The following ECI2 variants were observed in gnomAD, a reference collection of about 807,000 sequenced individuals.
ECI2 encodes the protein D3,D2-enoyl-CoA isomerase.
In ECI2, 27 loss-of-function variants were observed where a neutral mutation model predicts 38.4. That is an observed-to-expected ratio of 0.70 (90% CI 0.52 to 0.97). The LOEUF (loss-of-function observed/expected upper bound fraction) is 0.97. Among genes scored for constraint, ECI2 ranks in the 50% least tolerant of loss-of-function variants. ECI2 has a pLI of 0.00. For missense variants in ECI2, 470 were observed against 474.4 expected (o/e 0.99, Z 0.09); for synonymous variants, 168 against 172.0 (o/e 0.98, Z 0.18).
Position 4,135,572 on chromosome 6 carries a change from C to A in ECI2, c.-12G>T, listed in dbSNP as rs1261566761. ...TACGCCATCGCCATCCCTTGGGCGG[C>A]TCTAGGGCTGCGGGGGCTCGGGGGT... is the stretch of plus-strand genomic sequence containing the variant. On this transcript the variant is annotated 5_prime_UTR_variant, in exon 1 of 10. Coordinates refer to ENST00000380118, the MANE Select transcript of ECI2 (RefSeq NM_206836.3). 6.5e-7 allele frequency: 1 copy of A among 1,536,398 alleles called. No homozygotes were observed. Among genetic ancestry groups the A allele is most frequent in the Non-Finnish European group, 8.8e-7 (1 of 1,135,112 alleles).
intron 7 of ECI2, chr6:4,125,026 G>C (rs1465996995): frequency 2.8e-6 from 2 of 704,266 alleles, no homozygotes; most frequent in South Asian, 1.6e-5. Context: ...TTAGAATCCG[G>C]AACAGTCAGA....
chr6:4,130,006 A>C, intron 4 of ECI2: 1 of 1,027,520 alleles, frequency 9.7e-7, no homozygotes, highest in Non-Finnish European at 1.4e-6. Flanking sequence ...TGCAAGCAGA[A>C]AGACTTACTT....
rs605301 is a variant in ECI2 at position 4,116,032 on chromosome 6, G to A, written c.1030-3C>T. ...ACCTCTTTTGAAATTCTCAAGGCCT[G>A]GAAAAACAAAACCAACAATAAGGTT... On this transcript the variant is annotated splice_polypyrimidine_tract_variant and splice_region_variant and intron_variant, in intron 9 of 9. Transcript: ENST00000380118. The A allele has an allele frequency of 0.011, 18,362 of 1,609,950 alleles. 818 individuals carry two copies. The Admixed American group carries it at 0.14, about 12-fold the overall frequency.
intron 6 of ECI2, chr6:4,125,887 T>C: frequency 1.6e-6 from 1 of 617,916 alleles, no homozygotes; most frequent in African/African-American, 1.8e-5. Context: ...TGTTTACAAC[T>C]ATAGCTCACT....
intron 1 of ECI2, chr6:4,135,280 T>C (rs1280090278): frequency 2.3e-6 from 3 of 1,279,098 alleles, no homozygotes; most frequent in African/African-American, 1.5e-5. Flanking sequence ...CAGGGAACCA[T>C]AGCCCTGACC....
chr6:4,125,269 G>A lies in ECI2; in HGVS notation c.776C>T (p.Ala259Val), dbSNP rs144214404. ...ISVTLLGLFD[A>V]VYASDRATFH... Reference sequence around the variant, plus strand: ...ACTTACCCTGTCAGATGCATACACGGCATCGAATAGCCCAAGGAGGGTGAC... The same window carrying A: ...ACTTACCCTGTCAGATGCATACACGACATCGAATAGCCCAAGGAGGGTGAC... The change falls in exon 7 of 10, where the codon GCC (alanine) becomes GTC (valine). Residue 259 changes from alanine to valine, a missense_variant. Ala to Val is a moderately conservative substitution (Grantham distance 64). Transcript: ENST00000380118. 196 of 1,614,058 alleles carry A rather than the reference G, an allele frequency of 1.2e-4. 1 individual carries two copies. In the African/African-American group the frequency reaches 2.4e-3, roughly 20 times the overall value.
In ECI2 at chr6:4,120,363, A is replaced by G. The variant is rs117155825; in HGVS notation, c.796-1088T>C. ...CTGCTTCCAGGCTACCAACTTGGAC[A>G]GCATGTTACTATACTTAATACTCTA... On this transcript the variant is annotated intron_variant, in intron 7 of 9. Coordinates refer to ENST00000380118, the MANE Select transcript of ECI2 (RefSeq NM_206836.3). Among the ~76,000 whole-genome samples the G allele has an allele frequency of 3.3e-5, 5 of 152,362 alleles. No individual in the cohort carries two copies. In the East Asian group the frequency reaches 7.7e-4, roughly 23 times the overall value.
intron 2 of ECI2, among the ~76,000 whole-genome samples, chr6:4,131,541 TAGAG>T (rs1041891995): frequency 6.6e-6 from 1 of 152,020 alleles, no homozygotes; most frequent in Non-Finnish European, 1.5e-5. Context: ...ATAATACAGT[TAGAG>T]AGGAAAGAAG....
At chr6:4,125,549 G>T in intron 6 of ECI2, 179 bp from the exon 7 acceptor site, 2 of 870,934 alleles carry the variant, frequency 2.3e-6, no homozygotes, top group Non-Finnish European at 3.4e-6. Context: ...TTCATCCAGG[G>T]CATCCGTCTG....
intron 6 of ECI2, 32 bp from the exon 7 acceptor site, chr6:4,125,402 G>A: frequency 3.1e-6 from 5 of 1,612,876 alleles, no homozygotes; most frequent in Non-Finnish European, 4.2e-6. Context: ...ATCATTAAAT[G>A]TGCCAAAGCA....
At chr6:4,135,058 G>C (rs1333773338) in intron 1 of ECI2, 2 of 455,368 alleles carry the variant, frequency 4.4e-6, no homozygotes, top group African/African-American at 2.0e-5. Context: ...TATAGCATAC[G>C]TGTTCTCCAA....
intron 1 of ECI2, among the ~76,000 whole-genome samples, chr6:4,134,571 A>G (rs1264271351): frequency 1.3e-5 from 2 of 152,246 alleles, no homozygotes; most frequent in Non-Finnish European, 2.9e-5. Context: ...AAAATAATAC[A>G]GGTTACAAAG....
intron 8 of ECI2, 66 bp from the exon 9 acceptor site, chr6:4,117,517 CT>C: frequency 6.4e-7 from 1 of 1,574,018 alleles, no homozygotes; most frequent in Non-Finnish European, 8.6e-7. Flanking sequence ...CAGTTAACTG[CT>C]TTCAGGAGGC....
intron 7 of ECI2, among the ~76,000 whole-genome samples, chr6:4,123,581 GAT>G (rs1397210344): frequency 3.3e-5 from 5 of 149,938 alleles, no homozygotes; most frequent in South Asian, 4.2e-4. Flanking sequence ...ATATAGAATA[GAT>G]ATGTTTTATA....
intron 1 of ECI2, among the ~76,000 whole-genome samples, chr6:4,134,024 G>C (rs1399721131): frequency 6.6e-6 from 1 of 152,244 alleles, no homozygotes; most frequent in African/African-American, 2.4e-5. Context: ...GGCAAGAAGT[G>C]AAGTGCATGC....
intron 7 of ECI2, among the ~76,000 whole-genome samples, chr6:4,123,243 C>T (rs957793716): frequency 6.6e-6 from 1 of 152,068 alleles, no homozygotes; most frequent in Non-Finnish European, 1.5e-5. Flanking sequence ...GTGGTACGAT[C>T]TCGGCTCACT....
In ECI2 at chr6:4,126,344, C is replaced by T. The variant is rs557274950; in HGVS notation, c.572-107G>A. ...TAGGCAAGGGAAATACATTGGAGAACGAGCAATGGTTCCTGCCCTAACTTA... is the reference window on the plus strand; with the variant it reads ...TAGGCAAGGGAAATACATTGGAGAATGAGCAATGGTTCCTGCCCTAACTTA... On this transcript the variant is annotated intron_variant, in intron 5 of 9. Coordinates refer to ENST00000380118, the MANE Select transcript of ECI2 (RefSeq NM_206836.3). 606 of 900,152 alleles carry T rather than the reference C, an allele frequency of 6.7e-4. 3 individuals carry two copies. The African/African-American group carries it at 9.1e-3, about 14-fold the overall frequency. 55.8% of individuals were successfully genotyped at this position (900,152 alleles called of 1,614,324 possible). A position where few individuals can be genotyped will look rare whatever the true frequency, so the allele number is the denominator to read the frequency against.
intron 6 of ECI2, 190 bp downstream of exon 6, chr6:4,125,945 A>G: frequency 1.5e-6 from 1 of 683,108 alleles, no homozygotes; most frequent in East Asian, 2.8e-5. Context: ...ATGAACAGGT[A>G]ACAGAGGTCA....
intron 7 of ECI2, among the ~76,000 whole-genome samples, chr6:4,123,323 C>T (rs1772931496): frequency 6.6e-6 from 1 of 151,788 alleles, no homozygotes; most frequent in Non-Finnish European, 1.5e-5. Flanking sequence ...ATTACAGACA[C>T]CCGCCACCAA....
Sources: allele counts gnomAD v4.1 joint callset (sites outside exome capture counted in the v4.1 genomes callset), GRCh38; gene constraint gnomAD v4.1.1; transcripts MANE v1.5; gene names NCBI Gene and HGNC (gene_info 2026-07-23, HGNC 2026-07-21).